Variants in ALMS1 observed in about 807,000 individuals in gnomAD.
ALMS1 encodes the protein ALMS1 centrosome and basal body associated protein.
In ALMS1, 271 loss-of-function variants were observed where a neutral mutation model predicts 352.2. The ratio of observed to expected loss-of-function variants is 0.77; its 90% CI spans 0.70 to 0.85. ALMS1 has a LOEUF of 0.85. Ranked by LOEUF, ALMS1 falls within the 40% of genes least tolerant of loss-of-function variation. The probability of loss-of-function intolerance (pLI) is 0.00; values close to 1 mark genes in which losing one functional copy is unlikely to be tolerated. For synonymous variants in ALMS1, 1,865 were observed against 1,761.2 expected (o/e 1.06, Z -1.48); for missense variants, 5,445 against 4,870.7 (o/e 1.12, Z -3.51).
chr2:73,605,607 G>C (rs1675799307), intron 21 of ALMS1, among the ~76,000 whole-genome samples: 1 of 152,176 alleles, frequency 6.6e-6, no homozygotes, highest in African/African-American at 2.4e-5. Flanking sequence ...CCAACACTTT[G>C]GGAGTCCAAG....
At chr2:73,582,998 A>G (rs1224076937) in intron 16 of ALMS1, among the ~76,000 whole-genome samples, 2 of 151,340 alleles carry the variant, frequency 1.3e-5, no homozygotes, top group African/African-American at 4.9e-5. Flanking sequence ...GCCACCAACA[A>G]TGTACAAGGG....
At chr2:73,516,351 A>T (rs1225574407) in intron 10 of ALMS1, among the ~76,000 whole-genome samples, 1 of 152,184 alleles carries the variant, frequency 6.6e-6, no homozygotes, top group Admixed American at 6.5e-5. Flanking sequence ...GTTGGTGGGA[A>T]CATAACATAG....
intron 7 of ALMS1, among the ~76,000 whole-genome samples, chr2:73,439,951 A>G (rs1015055477): frequency 6.6e-6 from 1 of 151,984 alleles, no homozygotes; most frequent in Admixed American, 6.6e-5. Context: ...TTTCATGAAC[A>G]TACTTTAGAA....
intron 13 of ALMS1, among the ~76,000 whole-genome samples, chr2:73,555,640 G>T (rs1424341271): frequency 6.6e-6 from 1 of 152,024 alleles, no homozygotes; most frequent in Non-Finnish European, 1.5e-5. Flanking sequence ...TTGCCTAAAC[G>T]ATATCAAACA....
chr2:73,484,264 G>A (rs1434026372), intron 9 of ALMS1, among the ~76,000 whole-genome samples: 1 of 151,620 alleles, frequency 6.6e-6, no homozygotes, highest in Non-Finnish European at 1.5e-5. Context: ...TTTAGGGCAG[G>A]CCTAGTGGTG....
intron 9 of ALMS1, among the ~76,000 whole-genome samples, chr2:73,482,247 G>A (rs1453683789): frequency 4.6e-5 from 7 of 152,206 alleles, no homozygotes; most frequent in Middle Eastern, 3.4e-3. Context: ...TTTGAAATAC[G>A]TCCCATCAAT....
chr2:73,521,724 T>C (rs542789452), intron 11 of ALMS1, among the ~76,000 whole-genome samples: 118 of 152,138 alleles, frequency 7.8e-4, no homozygotes, highest in Non-Finnish European at 1.5e-3. Flanking sequence ...CACTCCAGCC[T>C]GGGCGACACA....
chr2:73,464,535 C>G (rs961327819), intron 9 of ALMS1, among the ~76,000 whole-genome samples: 4 of 152,304 alleles, frequency 2.6e-5, no homozygotes, highest in South Asian at 4.2e-4. Context: ...AAAACAGGCA[C>G]AAGACAGGGG....
chr2:73,506,268 C>T (rs755569053), intron 10 of ALMS1, among the ~76,000 whole-genome samples: 8 of 152,188 alleles, frequency 5.3e-5, no homozygotes, highest in East Asian at 1.9e-4. Context: ...TGTGGCTATA[C>T]GGGCTCTTTT....
chr2:73,421,998 G>A (rs1223458922), intron 3 of ALMS1, among the ~76,000 whole-genome samples: 1 of 151,992 alleles, frequency 6.6e-6, no homozygotes, highest in Admixed American at 6.6e-5. Context: ...TGGGTAACAG[G>A]ATTCTTTTAC....
chr2:73,415,059 T>G (rs1671159790), intron 2 of ALMS1, among the ~76,000 whole-genome samples: 1 of 152,168 alleles, frequency 6.6e-6, no homozygotes, highest in African/African-American at 2.4e-5. Flanking sequence ...TAAATACATC[T>G]GTATACTGAT....
At chr2:73,478,587 C>G (rs143331850) in intron 9 of ALMS1, among the ~76,000 whole-genome samples, 2 of 151,498 alleles carry the variant, frequency 1.3e-5, no homozygotes, top group East Asian at 3.9e-4. Context: ...TTTTTTTGCC[C>G]AAATAAAATT....
intron 16 of ALMS1, among the ~76,000 whole-genome samples, chr2:73,598,198 G>A (rs905487966): frequency 6.6e-6 from 1 of 152,146 alleles, no homozygotes; most frequent in African/African-American, 2.4e-5. Context: ...GCTATTAAAT[G>A]TTTTGGCATT....
chr2:73,464,472 A>G (rs915422871), intron 9 of ALMS1, among the ~76,000 whole-genome samples: 5 of 152,214 alleles, frequency 3.3e-5, no homozygotes, highest in South Asian at 4.1e-4. Context: ...ATCTATGACA[A>G]ACCCACAGCC....
At chr2:73,505,532 CTG>C (rs1248739373) in intron 10 of ALMS1, among the ~76,000 whole-genome samples, 1 of 152,150 alleles carries the variant, frequency 6.6e-6, no homozygotes, top group African/African-American at 2.4e-5. Flanking sequence ...TGAAAAGTGT[CTG>C]TTTATATCCT....
At position 73,448,088 on chromosome 2, in the gene ALMS1, G is replaced by A; in HGVS notation, c.1561G>A (p.Ala521Thr). The A allele has an allele frequency of 6.3e-7, 1 of 1,582,496 alleles. No individual in the cohort carries two copies. The change falls in exon 8 of 23, where the codon GCT (alanine) becomes ACT (threonine). Residue 521 changes from alanine to threonine, a missense_variant. By Grantham distance (58) the Ala-to-Thr change is moderately conservative (BLOSUM62 0). Transcript: ENST00000613296. ...GTCCCTTGAGGACCTGTCTCAGTTG[G>A]CTGTAAGTTCTCCTCTAGAAACTAC... ...SLSLEDLSQLAVSSPLETTTG... is the reference protein window; with the variant it reads ...SLSLEDLSQLTVSSPLETTTG...
chr2:73,481,131 T>C (rs1672693867), intron 9 of ALMS1, among the ~76,000 whole-genome samples: 1 of 152,232 alleles, frequency 6.6e-6, no homozygotes, highest in Admixed American at 6.5e-5. Flanking sequence ...TTTTGGTGTT[T>C]TAGACATGAA....
chr2:73,447,240 T>G (rs1475217265), intron 7 of ALMS1, among the ~76,000 whole-genome samples: 1 of 152,162 alleles, frequency 6.6e-6, no homozygotes, highest in African/African-American at 2.4e-5. Flanking sequence ...TATAGAACAT[T>G]TCTATAGAAA....
In ALMS1 at chr2:73,449,782, G is replaced by T. The variant is rs181507134; in HGVS notation, c.3255G>T (p.Gln1085His). 1.2e-5 allele frequency: 20 copies of T among 1,614,142 alleles called. No homozygotes were observed. The East Asian group carries it at 4.0e-4, about 32-fold the overall frequency. Reference protein sequence around the residue: ...KVSAFPGPADQMTDTPAVPST... With the variant: ...KVSAFPGPADHMTDTPAVPST... ...CAGCCTTCCCTGGACCAGCTGACCA[G>T]ATGACTGACACACCAGCAGTACCGT... Residue 1085 changes from glutamine (Q) to histidine (H), a missense_variant, in exon 8 of 23, where the codon CAG becomes CAT. Transcript: ENST00000613296.
Sources: gnomAD v4.1 joint callset for allele counts (sites outside exome capture counted in the v4.1 genomes callset) on GRCh38, gnomAD v4.1.1 for gene constraint, MANE v1.5 for transcripts, NCBI Gene and HGNC (gene_info 2026-07-23, HGNC 2026-07-21) for gene names.